The following EDAR variants were observed in gnomAD, a reference collection of about 807,000 sequenced individuals.
The protein encoded by EDAR is ectodysplasin A receptor.
Under a neutral mutation model 51.3 loss-of-function variants are expected in EDAR, and 38 were observed. The observed-to-expected ratio is 0.74, with a 90% confidence interval of 0.57 to 0.97. The LOEUF (loss-of-function observed/expected upper bound fraction) is 0.97, where lower values mean the gene tolerates loss of function less well. EDAR is among the 50% of genes least tolerant of loss of function. The pLI is 0.00. For synonymous variants in EDAR, 227 were observed against 242.1 expected (o/e 0.94, Z 0.58); for missense variants, 528 against 595.0 (o/e 0.89, Z 1.17).
chr2:108,894,679 A>ATT lies in EDAR; in HGVS notation c.*2226_*2227dup, dbSNP rs1466502920. 6.6e-6 allele frequency: 1 copy of ATT among 152,534 alleles called. No individual in the cohort carries two copies. Among genetic ancestry groups the ATT allele is most frequent in the African/African-American group, 2.4e-5 (1 of 41,452 alleles). The allele number at this position is 152,534 out of a possible 1,614,324, so 9.4% of individuals were successfully genotyped here. A position where few individuals can be genotyped will look rare whatever the true frequency, so the allele number is the denominator to read the frequency against. ...GGAGTCCCAGCTTTGGTCAGTGAGA[A>ATT]TTATTATGATCTCATTGTTCTGAAT... is the stretch of plus-strand genomic sequence containing the variant. On this transcript the variant is annotated 3_prime_UTR_variant, in exon 12 of 12. Coordinates refer to ENST00000258443, the MANE Select transcript of EDAR (RefSeq NM_022336.4).
At chr2:108,903,103 CAATG>C (rs1488179974) in intron 11 of EDAR, among the ~76,000 whole-genome samples, 1 of 152,074 alleles carries the variant, frequency 6.6e-6, no homozygotes, top group Non-Finnish European at 1.5e-5. Context: ...ATATAACTAA[CAATG>C]AATGTATGGC....
intron 6 of EDAR, 114 bp from the exon 7 acceptor site, chr2:108,911,186 A>G: frequency 7.5e-7 from 1 of 1,328,488 alleles, no homozygotes; most frequent in African/African-American, 1.5e-5. Flanking sequence ...CTTTCAGGGA[A>G]CCCTGAAATC....
At chr2:108,988,819 A>C (rs1191049865) in intron 1 of EDAR, 141 bp downstream of exon 1, 1 of 152,236 alleles carries the variant, frequency 6.6e-6, no homozygotes, top group African/African-American at 2.4e-5. Context: ...GACATACTGC[A>C]ATCGGTAAAG....
chr2:108,911,123 G>T (rs1171989234), intron 6 of EDAR, 51 bp from the exon 7 acceptor site: 4 of 1,612,182 alleles, frequency 2.5e-6, no homozygotes, highest in Non-Finnish European at 3.4e-6. Flanking sequence ...ATCCCTGCTG[G>T]TCTTCCCTCC....
At chr2:108,932,851 G>GGCT (rs1697397485) in intron 1 of EDAR, among the ~76,000 whole-genome samples, 1 of 152,186 alleles carries the variant, frequency 6.6e-6, no homozygotes, top group Non-Finnish European at 1.5e-5. Context: ...AGGCAGACAA[G>GGCT]GCTGCTGCTT....
At position 108,931,035 on chromosome 2, in the gene EDAR, G is replaced by T; in HGVS notation, c.-18-3C>A. On this transcript the variant is annotated splice_polypyrimidine_tract_variant and splice_region_variant and intron_variant, in intron 1 of 11. Transcript: ENST00000258443. ...GCCATCCTCTCCCAAGGGCTCACCT[G>T]AAAGACATGCGTCATTAGCTGGGCA... is the stretch of plus-strand genomic sequence containing the variant. 1 of 1,613,888 alleles carries T rather than the reference G, an allele frequency of 6.2e-7. No homozygotes were observed. The highest frequency in any genetic ancestry group is 8.5e-7 in the Non-Finnish European group (1 of 1,179,886).
chr2:108,911,055 G>GAAC lies in EDAR; in HGVS notation c.546_547insGTT (p.Gly182_His183insVal). 3 of 1,614,184 alleles carry GAAC rather than the reference G, an allele frequency of 1.9e-6. No homozygotes were observed. The highest frequency in any genetic ancestry group is 2.5e-6 in the Non-Finnish European group (3 of 1,180,028). On this transcript the variant is annotated inframe_insertion, in exon 7 of 12. Coordinates refer to ENST00000258443, the MANE Select transcript of EDAR (RefSeq NM_022336.4). Reference sequence around the variant, plus strand: ...GCAATGATCAGGGCAGTGGCCAGGTGTCCTTGGCCTGAGAGTTCTGTGGGT... The same window carrying GAAC: ...GCAATGATCAGGGCAGTGGCCAGGTGAACTCCTTGGCCTGAGAGTTCTGTGGGT...
intron 1 of EDAR, among the ~76,000 whole-genome samples, chr2:108,943,391 A>G (rs1339871746): frequency 6.6e-6 from 1 of 152,178 alleles, no homozygotes; most frequent in East Asian, 1.9e-4. Context: ...CATTCTTTAT[A>G]TAGTTAAATT....
chr2:108,911,805 G>A (rs1298205006), intron 6 of EDAR, among the ~76,000 whole-genome samples: 4 of 152,172 alleles, frequency 2.6e-5, no homozygotes, highest in African/African-American at 4.8e-5. Flanking sequence ...AAATCATCTC[G>A]GGGGAGGTAG....
At chr2:108,901,297 A>G (rs578115272) in intron 11 of EDAR, among the ~76,000 whole-genome samples, 2 of 152,228 alleles carry the variant, frequency 1.3e-5, no homozygotes, top group South Asian at 4.1e-4. Context: ...ATAAAAATAC[A>G]AGATGTCAAT....
At chr2:108,908,694 T>G (rs1696859204) in intron 9 of EDAR, among the ~76,000 whole-genome samples, 1 of 152,234 alleles carries the variant, frequency 6.6e-6, no homozygotes, top group African/African-American at 2.4e-5. Context: ...GGTTGGAGCT[T>G]AAACTCTCTT....
intron 1 of EDAR, among the ~76,000 whole-genome samples, chr2:108,979,762 C>T (rs1698390430): frequency 6.6e-6 from 1 of 152,162 alleles, no homozygotes; most frequent in Non-Finnish European, 1.5e-5. Context: ...CACTGAGGCG[C>T]ATGTCACCAG....
intron 4 of EDAR, among the ~76,000 whole-genome samples, chr2:108,925,240 A>C (rs1363582039): frequency 1.3e-5 from 2 of 152,206 alleles, no homozygotes; most frequent in African/African-American, 4.8e-5. Flanking sequence ...ATTGTCTGTA[A>C]ACATTGGCTG....
chr2:108,929,117 G>A (rs1381810960), intron 4 of EDAR, 81 bp downstream of exon 4: 1 of 1,537,036 alleles, frequency 6.5e-7, no homozygotes, highest in Non-Finnish European at 8.9e-7. Flanking sequence ...CATGACCCCT[G>A]TTCCCAAGGT....
chr2:108,969,737 G>C (rs1399741258), intron 1 of EDAR, among the ~76,000 whole-genome samples: 1 of 152,240 alleles, frequency 6.6e-6, no homozygotes, highest in Non-Finnish European at 1.5e-5. Flanking sequence ...AAAGGAGTGT[G>C]AGCTGCAGTC....
intron 5 of EDAR, among the ~76,000 whole-genome samples, chr2:108,920,137 C>T (rs756992500): frequency 2.6e-5 from 4 of 152,252 alleles, no homozygotes; most frequent in Non-Finnish European, 4.4e-5. Flanking sequence ...GAAGTGCAGG[C>T]CAGCTCACGT....
At chr2:108,980,015 C>G (rs1227244522) in intron 1 of EDAR, among the ~76,000 whole-genome samples, 1 of 149,758 alleles carries the variant, frequency 6.7e-6, no homozygotes, top group South Asian at 2.1e-4. Context: ...ATGCATTCAC[C>G]TCTCAAGCTT....
Position 108,895,380 on chromosome 2 carries a change from G to T in EDAR, c.*1527C>A, listed in dbSNP as rs1696564098. 1 of 152,588 alleles carries T rather than the reference G, an allele frequency of 6.6e-6. No homozygotes were observed. The highest frequency in any genetic ancestry group is 1.5e-5 in the Non-Finnish European group (1 of 68,026). The allele number at this position is 152,588 out of a possible 1,614,324, so 9.5% of individuals were successfully genotyped here. ...CACAGACCTGCCATCAGGGAGTTCA[G>T]CAGTGAACTCTAACCCCTGGTGTGA... On this transcript the variant is annotated 3_prime_UTR_variant, in exon 12 of 12. Coordinates refer to ENST00000258443, the MANE Select transcript of EDAR (RefSeq NM_022336.4).
intron 11 of EDAR, among the ~76,000 whole-genome samples, chr2:108,904,912 G>GTATAGT (rs1440911135): frequency 1.2e-4 from 19 of 152,278 alleles, no homozygotes; most frequent in Middle Eastern, 3.4e-3. Context: ...CAGTGTCCTG[G>GTATAGT]TTGTGACTTC....
Sources: gnomAD v4.1 joint callset for allele counts (sites outside exome capture counted in the v4.1 genomes callset) on GRCh38, gnomAD v4.1.1 for gene constraint, MANE v1.5 for transcripts, NCBI Gene and HGNC (gene_info 2026-07-23, HGNC 2026-07-21) for gene names.